Variants in FAM217A observed in about 807,000 individuals in gnomAD.
FAM217A encodes the protein family with sequence similarity 217 member A, also known as protein FAM217A.
Under a neutral mutation model 18.5 loss-of-function variants are expected in FAM217A, and 13 were observed. The observed-to-expected ratio is 0.70, with a 90% CI of 0.46 to 1.12. The LOEUF is 1.12. FAM217A is among the 50% of genes most tolerant of loss of function. The pLI is 0.00. For synonymous variants in FAM217A, 161 were observed against 202.8 expected (o/e 0.79, Z 1.75); for missense variants, 560 against 575.4 (o/e 0.97, Z 0.27).
Position 4,075,200 on chromosome 6 carries a change from G to A in FAM217A, c.61-539C>T, listed in dbSNP as rs555925028. Reference sequence around the variant, plus strand: ...AACACAAAAATCAGCCAGGTGTGGCGGCACGCACCTGTAATCCCAGCTGTT... The same window carrying A: ...AACACAAAAATCAGCCAGGTGTGGCAGCACGCACCTGTAATCCCAGCTGTT... On this transcript the variant is annotated intron_variant, in intron 2 of 6. Coordinates refer to ENST00000274673, the MANE Select transcript of FAM217A (RefSeq NM_173563.3). Among the ~76,000 whole-genome samples the A allele has an allele frequency of 2.8e-4, 43 of 152,186 alleles. No individual in the cohort carries two copies. In the South Asian group the frequency reaches 7.9e-3, roughly 28 times the overall value.
In FAM217A at chr6:4,069,143, A is replaced by G. The variant is rs771861394; in HGVS notation, c.1080T>C (p.Cys360=). ...QEKSKNNSGS[C]KLEQNALKRN... is the part of the protein sequence containing the mutation. The stretch of plus-strand genomic sequence containing the variant: ...GTTTTAAAGCATTTTGTTCAAGCTT[A>G]CAAGAACCAGAGTTGTTTTTACTTT... Residue 360 remains cysteine, a synonymous_variant, in exon 7 of 7, where the codon TGT becomes TGC. Coordinates refer to ENST00000274673, the MANE Select transcript of FAM217A (RefSeq NM_173563.3). 8.1e-6 allele frequency: 13 copies of G among 1,614,064 alleles called. No individual in the cohort carries two copies. Among genetic ancestry groups the G allele is most frequent in the Non-Finnish European group, 1.0e-5 (12 of 1,180,028 alleles).
chr6:4,077,600 C>G (rs892487639), intron 1 of FAM217A, among the ~76,000 whole-genome samples, 152 bp from the exon 2 acceptor site: 2 of 152,010 alleles, frequency 1.3e-5, no homozygotes, highest in African/African-American at 2.4e-5. Context: ...GGTGACAGTA[C>G]GAAACCAACC....
chr6:4,074,580 C>G lies in FAM217A; in HGVS notation c.142G>C (p.Gly48Arg). The change falls in exon 3 of 7, where the codon GGT (glycine) becomes CGT (arginine). Residue 48 changes from glycine to arginine, a missense_variant. Physicochemically the swap from Gly to Arg is moderately radical, Grantham distance 125. Transcript: ENST00000274673. ...ATACACATCTAGGATTTCTTACCAC[C>G]TGCTGCTCCATCCCTTCCAGCTGGG... is the stretch of plus-strand genomic sequence containing the variant. ...NLPAGRDGAA[G>R]GKINKNYLEI... 1.2e-6 allele frequency: 2 copies of G among 1,612,710 alleles called. No individual in the cohort carries two copies. Among genetic ancestry groups the G allele is most frequent in the Non-Finnish European group, 1.7e-6 (2 of 1,178,856 alleles).
rs1770066043 is a variant in FAM217A, at chr6:4,078,961, C to A, written c.-144G>T. 1 of 530,852 alleles carries A rather than the reference C, an allele frequency of 1.9e-6. No individual in the cohort carries two copies. Among genetic ancestry groups the A allele is most frequent in the Non-Finnish European group, 3.3e-6 (1 of 301,200 alleles). 32.9% of individuals were successfully genotyped at this position (530,852 alleles called of 1,614,324 possible). A position where few individuals can be genotyped will look rare whatever the true frequency, so the allele number is the denominator to read the frequency against. ...GGCTTGGAGGGCGCCCCCTCTGCCG[C>A]GGCCTTCCTGCAGCGGGGGGACAAA... is the stretch of plus-strand genomic sequence containing the variant. On this transcript the variant is annotated 5_prime_UTR_variant, in exon 1 of 7. Coordinates refer to ENST00000274673, the MANE Select transcript of FAM217A (RefSeq NM_173563.3).
At chr6:4,071,237 C>A (rs1769392309) in intron 6 of FAM217A, among the ~76,000 whole-genome samples, 1 of 152,054 alleles carries the variant, frequency 6.6e-6, no homozygotes. Context: ...GTCTGAGAAG[C>A]AAGAGAATTT....
chr6:4,086,184 C>T (rs572025316), intron 1 of FAM217A, among the ~76,000 whole-genome samples: 2 of 151,998 alleles, frequency 1.3e-5, no homozygotes, highest in South Asian at 4.2e-4. Flanking sequence ...AGGTGGCTCA[C>T]ACCTGTAAAC....
Position 4,077,435 on chromosome 6 carries a change from G to C in FAM217A, c.-21C>G. On this transcript the variant is annotated 5_prime_UTR_variant, in exon 2 of 7. Transcript: ENST00000274673. Reference sequence around the variant, plus strand: ...CCCATTTTGTTGTAGCTGTTGCTCTGTTTCCTTAAAATCCTACACAGATTG... The same window carrying C: ...CCCATTTTGTTGTAGCTGTTGCTCTCTTTCCTTAAAATCCTACACAGATTG... The C allele has an allele frequency of 1.2e-6, 2 of 1,613,864 alleles. No individual in the cohort carries two copies. The highest frequency in any genetic ancestry group is 1.7e-6 in the Non-Finnish European group (2 of 1,179,760).
At chr6:4,070,995 CAA>C (rs796795265) in intron 6 of FAM217A, among the ~76,000 whole-genome samples, 7 of 126,572 alleles carry the variant, frequency 5.5e-5, no homozygotes, top group Admixed American at 8.1e-5. Flanking sequence ...GGCCCTGTTG[CAA>C]AAAAAAAAAG....
chr6:4,079,781 T>G, upstream of FAM217A: 1 of 602,824 alleles, frequency 1.7e-6, no homozygotes, highest in Non-Finnish European at 2.3e-6. Context: ...AGAGGCATCC[T>G]TGTTGACACC....
At chr6:4,085,311 A>AAATATATATATATAT (rs377046907) in intron 1 of FAM217A, among the ~76,000 whole-genome samples, 8 of 146,420 alleles carry the variant, frequency 5.5e-5, no homozygotes, top group East Asian at 2.0e-4. Flanking sequence ...TGTAAAAAAA[A>AAATATATATATATAT]ATATATATAT....
intron 6 of FAM217A, among the ~76,000 whole-genome samples, chr6:4,070,320 T>C (rs879873829): frequency 3.3e-5 from 5 of 152,216 alleles, no homozygotes; most frequent in Admixed American, 3.3e-4. Flanking sequence ...TGTTTATTGA[T>C]CCAGAATTAG....
At chr6:4,074,544 T>G (rs1484047854) in intron 3 of FAM217A, 33 bp downstream of exon 3, 16 of 1,582,036 alleles carry the variant, frequency 1.0e-5, no homozygotes, top group Non-Finnish European at 1.4e-5. Context: ...AGTGATTCTT[T>G]CAGTATAAGT....
chr6:4,084,733 T>G (rs13191391), exon 2 of FAM217A: 8 of 702,926 alleles, frequency 1.1e-5, no homozygotes, highest in Non-Finnish European at 1.8e-5. Context: ...ACACCTTGCC[T>G]TCTGGAAGCC....
upstream of FAM217A, chr6:4,087,310 A>G (rs79662395): frequency 2.5e-3 from 3,120 of 1,233,434 alleles, 57 homozygotes; most frequent in African/African-American, 0.044. Context: ...TTGGCAGGAT[A>G]TTTTCAATGG....
upstream of FAM217A, chr6:4,087,101 G>A: frequency 2.5e-6 from 1 of 401,188 alleles, no homozygotes; most frequent in Non-Finnish European, 4.4e-6. Flanking sequence ...ACTCTCTCTT[G>A]GGGCCTCGTA....
chr6:4,072,834 G>A (rs566137801), intron 6 of FAM217A, among the ~76,000 whole-genome samples: 13 of 151,638 alleles, frequency 8.6e-5, no homozygotes, highest in Admixed American at 7.2e-4. Context: ...CATTAATATT[G>A]TGTGACTTTG....
intron 6 of FAM217A, among the ~76,000 whole-genome samples, chr6:4,072,018 C>T (rs946830526): frequency 6.6e-6 from 1 of 152,004 alleles, no homozygotes; most frequent in African/African-American, 2.4e-5. Flanking sequence ...TCTTAATGCA[C>T]GATAAAGTTT....
At position 4,073,362 on chromosome 6, in the gene FAM217A, G is replaced by A. The variant is rs1005753643; in HGVS notation, c.235-20C>T. 4 of 1,597,834 alleles carry A rather than the reference G, an allele frequency of 2.5e-6. No individual in the cohort carries two copies. Among genetic ancestry groups the A allele is most frequent in the South Asian group, 1.1e-5 (1 of 88,344 alleles). On this transcript the variant is annotated intron_variant, in intron 5 of 6. Transcript: ENST00000274673. ...ACTATTCTGATGACAGAAAAATAAT[G>A]GGTAATAGTTTAGTAGCTGCATATA...
chr6:4,080,704 C>T (rs1045771927), upstream of FAM217A, among the ~76,000 whole-genome samples: 1 of 152,204 alleles, frequency 6.6e-6, no homozygotes, highest in Non-Finnish European at 1.5e-5. Context: ...ACCTTCCCAG[C>T]GCCCACTACA....
Sources: allele counts gnomAD v4.1 joint callset (sites outside exome capture counted in the v4.1 genomes callset), GRCh38; gene constraint gnomAD v4.1.1; transcripts MANE v1.5; gene names NCBI Gene and HGNC (gene_info 2026-07-23, HGNC 2026-07-21).